The following LTBP4 variants were observed in gnomAD, a reference collection of about 807,000 sequenced individuals.
LTBP4 encodes the protein latent transforming growth factor beta binding protein 4.
Under a neutral mutation model 180.2 loss-of-function variants are expected in LTBP4, and 93 were observed. The ratio of observed to expected loss-of-function variants is 0.52; its 90% CI spans 0.44 to 0.61. The LOEUF is 0.61. Ranked by LOEUF, LTBP4 falls within the 20% of genes least tolerant of loss-of-function variation. The probability of loss-of-function intolerance (pLI) is 0.00; values close to 1 mark genes in which losing one functional copy is unlikely to be tolerated. For missense variants in LTBP4, 2,116 were observed against 2,256.5 expected, an observed-to-expected ratio of 0.94 and a Z score of 1.26; for synonymous variants, 947 against 934.5, an observed-to-expected ratio of 1.01 and a Z score of -0.24.
At position 40,601,620 on chromosome 19, in the gene LTBP4, G is replaced by A. The variant is rs1003738551; in HGVS notation, c.233G>A (p.Gly78Glu). The change falls in exon 1 of 30, where the codon GGA (glycine) becomes GAA (glutamate). Residue 78 changes from glycine (G) to glutamate (E), a missense_variant. Around this residue, in one of 5 missense-constraint regions of LTBP4, gnomAD observed 469 missense variants for 532.5 expected, o/e 0.88. Transcript: ENST00000396819. ...SGAPGGAAPG[G>E]PGFRAFLCPL... ...GCTCCCGGCGGGGCGGCCCCGGGGG[G>A]ACCCGGCTTCCGCGCCTGTGAGTGC... is the stretch of plus-strand genomic sequence containing the variant. 2.3e-5 allele frequency: 32 copies of A among 1,376,114 alleles called. No individual in the cohort carries two copies. The highest frequency in any genetic ancestry group is 1.9e-4 in the Admixed American group (5 of 26,868). 85.2% of individuals were successfully genotyped at this position (1,376,114 alleles called of 1,614,324 possible). A position where few individuals can be genotyped will look rare whatever the true frequency, so the allele number is the denominator to read the frequency against.
rs894935213 is a variant in LTBP4, at chr19:40,629,724, C to T, written c.*174C>T. 3.6e-6 allele frequency: 2 copies of T among 561,514 alleles called. No homozygotes were observed. Among genetic ancestry groups the T allele is most frequent in the Non-Finnish European group, 5.2e-6 (2 of 381,692 alleles). The allele number at this position is 561,514 out of a possible 1,614,324, so 34.8% of individuals were successfully genotyped here. A position where few individuals can be genotyped will look rare whatever the true frequency, so the allele number is the denominator to read the frequency against. On this transcript the variant is annotated 3_prime_UTR_variant, in exon 30 of 30. Coordinates refer to ENST00000396819, the MANE Select transcript of LTBP4 (RefSeq NM_001042545.2). The surrounding 1 kb of genome is among the most constrained non-coding windows in gnomAD (Gnocchi z 4.5). ...ACTGCTCCCGCCTCCACCAGCGCCT[C>T]CCACTGATGTCGTGGTCCCGGGCCT...
intron 18 of LTBP4, 66 bp from the exon 19 acceptor site, chr19:40,614,249 C>G (rs997871727): frequency 1.3e-6 from 2 of 1,565,856 alleles, no homozygotes; most frequent in Non-Finnish European, 8.7e-7. Flanking sequence ...CTCTCCTCTC[C>G]CCTCTTTGTA....
At position 40,622,505 on chromosome 19, in the gene LTBP4, C is replaced by T. The variant is rs770843582; in HGVS notation, c.3322C>T (p.Pro1108Ser). The change falls in exon 23 of 30, where the codon CCT becomes TCT. Residue 1108 changes from proline to serine, a missense_variant. Physicochemically the swap from Pro to Ser is moderately conservative, Grantham distance 74 (BLOSUM62 -1). Around this residue, in one of 5 missense-constraint regions of LTBP4, gnomAD observed 278 missense variants for 373.0 expected, o/e 0.75. Transcript: ENST00000396819. The surrounding 1 kb of genome is among the most constrained non-coding windows in gnomAD (Gnocchi z 5.1). The stretch of plus-strand genomic sequence containing the variant: ...CCGACCCAGCACACCTAGGCAGGGC[C>T]CTGTGGGGAGTGGGCGCCGGGAGTG... ...PRRPSTPRQGPVGSGRRECYF... is the reference protein window; with the variant it reads ...PRRPSTPRQGSVGSGRRECYF... The T allele has an allele frequency of 8.1e-6, 13 of 1,613,376 alleles. No individual in the cohort carries two copies. The highest frequency in any genetic ancestry group is 1.1e-5 in the Non-Finnish European group (13 of 1,179,716).
chr19:40,610,128 GC>G (rs1415571771), intron 11 of LTBP4: 6 of 482,726 alleles, frequency 1.2e-5, no homozygotes, highest in Non-Finnish European at 2.1e-5. Flanking sequence ...CCGCCCCCAC[GC>G]CCAGGCCCCG....
chr19:40,610,325 G>A, intron 11 of LTBP4: 1 of 596,280 alleles, frequency 1.7e-6, no homozygotes, highest in Non-Finnish European at 2.9e-6. Flanking sequence ...GGTCCCCAAA[G>A]CTCTCCTTTC....
chr19:40,613,468 C>T lies in LTBP4; in HGVS notation c.2496C>T (p.Gly832=). ...ACGGCGAGTGCCTCAACACTGACGG[C>T]TCCTTTGCCTGTACTTGTGCCCCTG... ...FPHGECLNTD[G]SFACTCAPGY... Residue 832 remains glycine, a synonymous_variant, in exon 17 of 30, where the codon GGC becomes GGT. Coordinates refer to ENST00000396819, the MANE Select transcript of LTBP4 (RefSeq NM_001042545.2). The surrounding 1 kb of genome is among the most constrained non-coding windows in gnomAD (Gnocchi z 5.0). The T allele has an allele frequency of 2.5e-6, 4 of 1,596,256 alleles. No individual in the cohort carries two copies. Among genetic ancestry groups the T allele is most frequent in the Non-Finnish European group, 3.4e-6 (4 of 1,171,900 alleles).
Position 40,601,376 on chromosome 19 carries a change from G to A in LTBP4, c.-12G>A. 2 of 1,206,250 alleles carry A rather than the reference G, an allele frequency of 1.7e-6. No individual in the cohort carries two copies. The highest frequency in any genetic ancestry group is 4.4e-5 in the Admixed American group (1 of 22,658). 74.7% of individuals were successfully genotyped at this position (1,206,250 alleles called of 1,614,324 possible). Reference sequence around the variant, plus strand: ...CTGGGGCGGCGGCGCGGCGGAGCGCGGCGCTGCAGCCATGGCGGGCGGCGT... The same window carrying A: ...CTGGGGCGGCGGCGCGGCGGAGCGCAGCGCTGCAGCCATGGCGGGCGGCGT... On this transcript the variant is annotated 5_prime_UTR_variant, in exon 1 of 30. Coordinates refer to ENST00000396819, the MANE Select transcript of LTBP4 (RefSeq NM_001042545.2).
chr19:40,619,241 C>A (rs2081569630), intron 21 of LTBP4, 106 bp from the exon 22 acceptor site: 2 of 1,146,066 alleles, frequency 1.7e-6, no homozygotes, highest in Non-Finnish European at 2.5e-6. Flanking sequence ...GGGATCTGGG[C>A]CATTAAATAT....
intron 19 of LTBP4, among the ~76,000 whole-genome samples, chr19:40,615,531 G>A (rs369802377): frequency 1.2e-3 from 184 of 152,220 alleles, no homozygotes; most frequent in African/African-American, 4.2e-3. Context: ...AGGCCAAGGC[G>A]GATGGATCAC....
upstream of LTBP4, among the ~76,000 whole-genome samples, chr19:40,596,397 G>A (rs978009506): frequency 6.6e-5 from 10 of 152,142 alleles, no homozygotes; most frequent in African/African-American, 2.2e-4. Flanking sequence ...CTGCAATTCT[G>A]GGTGGTGGGA....
chr19:40,601,144 T>C (rs920002051), upstream of LTBP4, among the ~76,000 whole-genome samples: 17 of 152,186 alleles, frequency 1.1e-4, no homozygotes, highest in African/African-American at 3.8e-4. Context: ...GGTCCACTTG[T>C]TGGTGCGCGG....
rs756710438 is a variant in LTBP4 at position 40,621,982 on chromosome 19, C to T, written c.3218-419C>T. ...CAGGCTGGTCTCGAACTCCTGACCT[C>T]AAGTAATCCAACCGCGTCGGCCTCC... On this transcript the variant is annotated intron_variant, in intron 22 of 29. Transcript: ENST00000396819. Among the ~76,000 whole-genome samples the T allele has an allele frequency of 6.1e-4, 93 of 152,138 alleles. 3 individuals are homozygous for T. Among genetic ancestry groups the T allele is most frequent in the Non-Finnish European group, 3.5e-4 (24 of 68,038 alleles).
chr19:40,607,564 A>G, intron 7 of LTBP4, 35 bp downstream of exon 7: 1 of 1,567,374 alleles, frequency 6.4e-7, no homozygotes, highest in African/African-American at 1.3e-5. Flanking sequence ...CCCTACGCGC[A>G]ACACATGTGG....
At chr19:40,610,022 C>G (rs2081493534) in intron 11 of LTBP4, 151 bp downstream of exon 11, 6 of 1,066,752 alleles carry the variant, frequency 5.6e-6, no homozygotes, top group Non-Finnish European at 7.8e-6. Flanking sequence ...CTTCCCTGAC[C>G]CGCCTCCACC....
At chr19:40,593,834 C>T (rs1443323213) in intron 1 of LTBP4, among the ~76,000 whole-genome samples, 1 of 151,812 alleles carries the variant, frequency 6.6e-6, no homozygotes, top group Non-Finnish European at 1.5e-5. Flanking sequence ...TTCTCTGTTG[C>T]CCGGGTTGGA....
chr19:40,612,049 G>A (rs755001912), intron 14 of LTBP4, 24 bp from the exon 15 acceptor site: 1 of 1,612,074 alleles, frequency 6.2e-7, no homozygotes, highest in Non-Finnish European at 8.5e-7. Context: ...CTTCTTCAAG[G>A]CCACCCTCTC....
In LTBP4 at chr19:40,628,943, A is replaced by G. The variant is rs184916976; in HGVS notation, c.4520-453A>G. On this transcript the variant is annotated intron_variant, in intron 29 of 29. Transcript: ENST00000396819. ...CGGCTCACAGCAACCTCCTCCTCCC[A>G]GGTTCAAGCGATTCTCCTGCCTCAG... is the stretch of plus-strand genomic sequence containing the variant. Among the ~76,000 whole-genome samples the G allele has an allele frequency of 1.7e-3, 258 of 151,126 alleles. 1 individual carries two copies. The highest frequency in any genetic ancestry group is 6.0e-3 in the African/African-American group (248 of 41,114).
upstream of LTBP4, chr19:40,600,051 C>T (rs1027824400): frequency 4.0e-6 from 5 of 1,238,432 alleles, no homozygotes; most frequent in Non-Finnish European, 5.1e-6. This position sits in a 1 kb window ranked among gnomAD's most constrained non-coding sequence, Gnocchi z 4.4. Flanking sequence ...GCAGCTTTTC[C>T]GTCCTCTCCC....
rs2303729 is a variant in LTBP4 at position 40,605,163 on chromosome 19, G to A, written c.379G>A (p.Val127Ile). The A allele has an allele frequency of 0.46, 734,821 of 1,609,426 alleles. 171,420 individuals are homozygous for A. Among genetic ancestry groups the A allele is most frequent in the African/African-American group, 0.67 (50,210 of 74,894 alleles). ...SSGARPPAPAVPGLTRSVYTM... is the reference protein window; with the variant it reads ...SSGARPPAPAIPGLTRSVYTM... ...GGGCGCCCGGCCCCCGGCCCCGGCTGTACCAGGCCTCACCCGCTCCGTGTA... is the reference window on the plus strand; with the variant it reads ...GGGCGCCCGGCCCCCGGCCCCGGCTATACCAGGCCTCACCCGCTCCGTGTA... Residue 127 changes from valine (V) to isoleucine (I), a missense_variant, in exon 2 of 30, where the codon GTA becomes ATA. Val to Ile is a conservative substitution (Grantham distance 29). Transcript: ENST00000396819. This position sits in a 1 kb window ranked among gnomAD's most constrained non-coding sequence, Gnocchi z 5.5.
Sources: allele counts gnomAD v4.1 joint callset (sites outside exome capture counted in the v4.1 genomes callset), GRCh38; gene constraint gnomAD v4.1.1; regional missense constraint gnomAD v4.1.1; non-coding constraint Gnocchi (gnomAD v3.1); transcripts MANE v1.5; gene names NCBI Gene and HGNC (gene_info 2026-07-23, HGNC 2026-07-21).